NRXN3: variants seen among roughly 807,000 people sequenced by gnomAD.
The protein encoded by NRXN3 is neurexin 3.
In NRXN3, 32 loss-of-function variants were observed where a neutral mutation model predicts 137.6. The observed-to-expected ratio is 0.23, with a 90% CI of 0.18 to 0.31. The LOEUF is 0.31. Among genes scored for constraint, NRXN3 ranks in the 10% least tolerant of loss-of-function variants. NRXN3 has a pLI of 1.00. For missense variants in NRXN3, 1,574 were observed against 2,062.5 expected, an observed-to-expected ratio of 0.76 and a Z score of 4.59; for synonymous variants, 798 against 784.5, an observed-to-expected ratio of 1.02 and a Z score of -0.29.
At chr14:78,176,052 C>T (rs886859792) in intron 1 of NRXN3, among the ~76,000 whole-genome samples, 4 of 152,070 alleles carry the variant, frequency 2.6e-5, no homozygotes, top group Non-Finnish European at 5.9e-5. Flanking sequence ...AAATGTTTGT[C>T]GATTGGAGGA....
At chr14:79,451,280 C>T (rs145964465) in intron 15 of NRXN3, among the ~76,000 whole-genome samples, 56 of 152,058 alleles carry the variant, frequency 3.7e-4, no homozygotes, top group African/African-American at 1.1e-3. Context: ...CAGCATAACA[C>T]GGGTTCTGGG....
Position 78,334,537 on chromosome 14 carries a change from C to T in NRXN3, c.757+36677C>T, listed in dbSNP as rs143091720. Reference sequence around the variant, plus strand: ...GATCCCCTGGGATGTAGGATGAACACGTCAGAATCTCTGTCTTTGATCTCG... The same window carrying T: ...GATCCCCTGGGATGTAGGATGAACATGTCAGAATCTCTGTCTTTGATCTCG... On this transcript the variant is annotated intron_variant, in intron 4 of 20. Transcript: ENST00000335750. 5.4e-3 allele frequency among the ~76,000 whole-genome samples: 825 copies of T among 152,250 alleles called. 3 individuals carry two copies. Among genetic ancestry groups the T allele is most frequent in the African/African-American group, 0.019 (791 of 41,560 alleles).
intron 4 of NRXN3, among the ~76,000 whole-genome samples, chr14:78,471,577 C>A (rs1431614758): frequency 1.3e-5 from 2 of 152,138 alleles, no homozygotes; most frequent in African/African-American, 4.8e-5. Context: ...TTGGTACTGA[C>A]CCTCCTGGGA....
chr14:78,722,567 A>G (rs2098464900), intron 8 of NRXN3, among the ~76,000 whole-genome samples: 1 of 152,166 alleles, frequency 6.6e-6, no homozygotes, highest in Admixed American at 6.5e-5. Context: ...AGGAAAGTTA[A>G]AAGACCTACT....
chr14:79,258,110 C>G (rs2077046344), intron 15 of NRXN3, among the ~76,000 whole-genome samples: 1 of 152,192 alleles, frequency 6.6e-6, no homozygotes, highest in African/African-American at 2.4e-5. Flanking sequence ...AATTTCCCCA[C>G]CAGTTCAAAT....
chr14:78,211,780 G>A (rs2062770314), intron 1 of NRXN3, among the ~76,000 whole-genome samples: 1 of 152,206 alleles, frequency 6.6e-6, no homozygotes, highest in Non-Finnish European at 1.5e-5. Flanking sequence ...GGCAGACAGG[G>A]TCAGAACTGT....
intron 4 of NRXN3, among the ~76,000 whole-genome samples, chr14:78,387,284 T>A (rs191709186): frequency 1.4e-4 from 21 of 152,304 alleles, no homozygotes; most frequent in African/African-American, 4.8e-4. Context: ...AGTATTTGAT[T>A]TTTTTGGGTT....
chr14:78,609,158 C>A (rs1221733380), intron 4 of NRXN3, among the ~76,000 whole-genome samples: 1 of 151,886 alleles, frequency 6.6e-6, no homozygotes, highest in Non-Finnish European at 1.5e-5. Context: ...AGCTGGAGAC[C>A]TTGATTGACT....
chr14:78,625,904 C>T (rs1378555250), intron 4 of NRXN3, among the ~76,000 whole-genome samples: 2 of 152,180 alleles, frequency 1.3e-5, no homozygotes, highest in African/African-American at 4.8e-5. Flanking sequence ...CTCGATGCTA[C>T]CTCTTTCAAT....
chr14:79,053,623 C>T (rs570157829), intron 15 of NRXN3, among the ~76,000 whole-genome samples: 15 of 30,676 alleles, frequency 4.9e-4, no homozygotes, highest in South Asian at 2.7e-3. Flanking sequence ...TGCTGTATGC[C>T]GTGTGTGTGT....
chr14:79,852,046 C>T (rs1282144877), intron 20 of NRXN3, among the ~76,000 whole-genome samples: 4 of 151,970 alleles, frequency 2.6e-5, no homozygotes, highest in Admixed American at 2.0e-4. Context: ...CATCATTGTG[C>T]TCTGTCACTT....
intron 15 of NRXN3, among the ~76,000 whole-genome samples, chr14:79,431,380 T>C (rs1298047747): frequency 6.6e-6 from 1 of 152,184 alleles, no homozygotes; most frequent in Non-Finnish European, 1.5e-5. Flanking sequence ...AACTGTAGAA[T>C]ATAGTATAGA....
intron 15 of NRXN3, among the ~76,000 whole-genome samples, chr14:79,144,673 A>G (rs1420657875): frequency 6.6e-6 from 1 of 152,158 alleles, no homozygotes; most frequent in East Asian, 1.9e-4. Flanking sequence ...TCTCATGCCA[A>G]TCTTGGAAGC....
chr14:79,704,632 C>G (rs1310604708), intron 19 of NRXN3, among the ~76,000 whole-genome samples: 1 of 152,136 alleles, frequency 6.6e-6, no homozygotes, highest in African/African-American at 2.4e-5. Context: ...TGTTCTTTTC[C>G]TGCCAAGCCT....
intron 1 of NRXN3, among the ~76,000 whole-genome samples, chr14:78,201,903 G>A (rs2061716520): frequency 1.3e-5 from 2 of 152,230 alleles, no homozygotes; most frequent in Admixed American, 1.3e-4. Flanking sequence ...AAAGTGCGAT[G>A]AGCCTGCACC....
At chr14:78,516,367 A>G (rs1453301482) in intron 4 of NRXN3, among the ~76,000 whole-genome samples, 1 of 71,890 alleles carries the variant, frequency 1.4e-5, no homozygotes. Context: ...GAAAAGAAGG[A>G]ATTGGGGCTA....
intron 16 of NRXN3, among the ~76,000 whole-genome samples, chr14:79,627,033 G>A (rs1303017471): frequency 1.3e-5 from 2 of 151,988 alleles, no homozygotes; most frequent in African/African-American, 2.4e-5. Flanking sequence ...CTATCAATAT[G>A]ACAGGTTAAA....
chr14:79,071,848 A>G (rs999711255), intron 15 of NRXN3, among the ~76,000 whole-genome samples: 1 of 152,164 alleles, frequency 6.6e-6, no homozygotes, highest in African/African-American at 2.4e-5. Context: ...TAATAGGATA[A>G]ATGCTTGAGG....
intron 4 of NRXN3, among the ~76,000 whole-genome samples, chr14:78,358,527 A>C (rs567882478): frequency 1.3e-5 from 2 of 152,200 alleles, no homozygotes; most frequent in Non-Finnish European, 2.9e-5. Flanking sequence ...CACTAAAAAG[A>C]GATTGGCTTC....
Sources: allele counts gnomAD v4.1 joint callset (sites outside exome capture counted in the v4.1 genomes callset), GRCh38; gene constraint gnomAD v4.1.1; transcripts MANE v1.5; gene names NCBI Gene and HGNC (gene_info 2026-07-23, HGNC 2026-07-21).